Variants in NTNG1 observed in about 807,000 individuals in gnomAD.
The protein encoded by NTNG1 is netrin-G1.
In NTNG1, 16 loss-of-function variants were observed where a neutral mutation model predicts 54.0. The observed-to-expected ratio is 0.30, with a 90% confidence interval of 0.20 to 0.45. NTNG1 has a LOEUF of 0.45. Ranked by LOEUF, NTNG1 falls within the 20% of genes least tolerant of loss-of-function variation. The pLI is 1.00. For missense variants in NTNG1, 530 were observed against 678.7 expected, an observed-to-expected ratio of 0.78 and a Z score of 2.43; for synonymous variants, 255 against 263.1, an observed-to-expected ratio of 0.97 and a Z score of 0.30.
chr1:107,472,201 A>G (rs1045988794), intron 7 of NTNG1, among the ~76,000 whole-genome samples: 2 of 152,158 alleles, frequency 1.3e-5, no homozygotes, highest in African/African-American at 4.8e-5. Flanking sequence ...GGGGCAGCAG[A>G]TAAGACTGAA....
intron 2 of NTNG1, among the ~76,000 whole-genome samples, chr1:107,167,952 G>T (rs1655931284): frequency 6.6e-6 from 1 of 151,982 alleles, no homozygotes; most frequent in Non-Finnish European, 1.5e-5. Flanking sequence ...CAGAAATAAT[G>T]CTAGAACAGA....
At chr1:107,435,978 G>T (rs1439774489) in intron 6 of NTNG1, among the ~76,000 whole-genome samples, 1 of 152,166 alleles carries the variant, frequency 6.6e-6, no homozygotes, top group Non-Finnish European at 1.5e-5. Context: ...GTGCAAAGCT[G>T]TATTGTCCTG....
chr1:107,480,928 C>A lies in NTNG1; in HGVS notation c.*88C>A. ...TTGCTACTAACATAGGAAACACACACATACAGACACCCCCACTCAGACAGT... is the reference window on the plus strand; with the variant it reads ...TTGCTACTAACATAGGAAACACACAAATACAGACACCCCCACTCAGACAGT... On this transcript the variant is annotated 3_prime_UTR_variant, in exon 8 of 8. Transcript: ENST00000370068. 1 of 943,312 alleles carries A rather than the reference C, an allele frequency of 1.1e-6. No individual in the cohort carries two copies. The highest frequency in any genetic ancestry group is 1.6e-6 in the Non-Finnish European group (1 of 617,780). 58.4% of individuals were successfully genotyped at this position (943,312 alleles called of 1,614,324 possible).
intron 6 of NTNG1, 33 bp downstream of exon 6, chr1:107,430,950 G>T: frequency 6.2e-7 from 1 of 1,603,256 alleles, no homozygotes; most frequent in Non-Finnish European, 8.5e-7. Context: ...CTATTCTTCT[G>T]TGCCTTTTGA....
At chr1:107,286,525 C>T (rs993007090) in intron 2 of NTNG1, among the ~76,000 whole-genome samples, 6 of 152,116 alleles carry the variant, frequency 3.9e-5, no homozygotes, top group Non-Finnish European at 7.4e-5. Flanking sequence ...CATTTTCTTT[C>T]TGCAATTTAT....
At chr1:107,464,449 G>A (rs1677472907) in intron 7 of NTNG1, among the ~76,000 whole-genome samples, 1 of 152,176 alleles carries the variant, frequency 6.6e-6, no homozygotes, top group African/African-American at 2.4e-5. Flanking sequence ...ATGGAAATGA[G>A]TAACTCAGAC....
intron 2 of NTNG1, among the ~76,000 whole-genome samples, chr1:107,266,077 T>A (rs1245551181): frequency 6.6e-6 from 1 of 152,232 alleles, no homozygotes; most frequent in Admixed American, 6.5e-5. Flanking sequence ...TTTTAATTGC[T>A]TATCTTCTTC....
At chr1:107,415,785 G>A (rs1444360323) in intron 5 of NTNG1, among the ~76,000 whole-genome samples, 1 of 152,094 alleles carries the variant, frequency 6.6e-6, no homozygotes, top group Non-Finnish European at 1.5e-5. Context: ...ATTCTCAGAA[G>A]CTTCATGTTC....
chr1:107,143,050 T>A, intron 1 of NTNG1: 1 of 152,186 alleles, frequency 6.6e-6, no homozygotes, highest in East Asian at 1.9e-4. Context: ...ATTTCACATG[T>A]AATGTTGTTC....
At chr1:107,375,584 T>C (rs762082841) in intron 3 of NTNG1, among the ~76,000 whole-genome samples, 1 of 152,240 alleles carries the variant, frequency 6.6e-6, no homozygotes, top group Admixed American at 6.5e-5. Context: ...TTGGCTAAAG[T>C]GCCCTTATTG....
intron 7 of NTNG1, among the ~76,000 whole-genome samples, chr1:107,474,970 C>T (rs1571044230): frequency 6.6e-6 from 1 of 152,186 alleles, no homozygotes; most frequent in Non-Finnish European, 1.5e-5. Context: ...AGTGTAAATG[C>T]AGACATATTT....
At chr1:107,154,109 A>G (rs1654787430) in intron 2 of NTNG1, among the ~76,000 whole-genome samples, 2 of 152,162 alleles carry the variant, frequency 1.3e-5, no homozygotes, top group African/African-American at 4.8e-5. Flanking sequence ...TGCGGCCAAC[A>G]GAAGTAGAGT....
chr1:107,242,315 T>C (rs1661890145), intron 2 of NTNG1, among the ~76,000 whole-genome samples: 2 of 152,088 alleles, frequency 1.3e-5, no homozygotes, highest in Non-Finnish European at 2.9e-5. Context: ...AAAAAAAGAA[T>C]ATGTTTGATC....
chr1:107,458,699 CAT>C (rs1386436453), intron 7 of NTNG1, among the ~76,000 whole-genome samples: 1 of 152,094 alleles, frequency 6.6e-6, no homozygotes, highest in Non-Finnish European at 1.5e-5. Flanking sequence ...AGAAGAAAAA[CAT>C]GTAATGTCTT....
Position 107,482,849 on chromosome 1 carries a change from G to A in NTNG1, c.*2009G>A, listed in dbSNP as rs866358935. On this transcript the variant is annotated 3_prime_UTR_variant, in exon 8 of 8. Coordinates refer to ENST00000370068, the MANE Select transcript of NTNG1 (RefSeq NM_001113226.3). ...AGCCAATTCGAAGAAGGCAATAAAA[G>A]GTAAACAGGTAATGCCTGTGCTGCC... is the stretch of plus-strand genomic sequence containing the variant. The A allele has an allele frequency of 4.6e-5, 7 of 152,158 alleles. No individual in the cohort carries two copies. Among genetic ancestry groups the A allele is most frequent in the Non-Finnish European group, 8.8e-5 (6 of 68,034 alleles). The allele number at this position is 152,158 out of a possible 1,614,324, so 9.4% of individuals were successfully genotyped here.
At chr1:107,425,691 T>C (rs1409686998) in intron 5 of NTNG1, among the ~76,000 whole-genome samples, 1 of 152,176 alleles carries the variant, frequency 6.6e-6, no homozygotes, top group Admixed American at 6.6e-5. Context: ...TTTGGGTAGA[T>C]ACCCAGTAGT....
At chr1:107,414,853 A>T (rs1237401328) in intron 5 of NTNG1, among the ~76,000 whole-genome samples, 1 of 152,272 alleles carries the variant, frequency 6.6e-6, no homozygotes, top group African/African-American at 2.4e-5. Context: ...GCAGTTAAGG[A>T]ATTGTTCAAG....
At chr1:107,186,558 G>C (rs1370552929) in intron 2 of NTNG1, among the ~76,000 whole-genome samples, 1 of 152,060 alleles carries the variant, frequency 6.6e-6, no homozygotes, top group Non-Finnish European at 1.5e-5. Context: ...TATTAGGTTG[G>C]TGCAAAAGTA....
intron 2 of NTNG1, among the ~76,000 whole-genome samples, chr1:107,229,296 A>G (rs180802243): frequency 3.3e-4 from 49 of 150,166 alleles, no homozygotes; most frequent in East Asian, 3.9e-4. Flanking sequence ...TCATCTGTAT[A>G]CACTTGATGT....
Sources: allele counts gnomAD v4.1 joint callset (sites outside exome capture counted in the v4.1 genomes callset), GRCh38; gene constraint gnomAD v4.1.1; transcripts MANE v1.5; gene names NCBI Gene and HGNC (gene_info 2026-07-23, HGNC 2026-07-21).